The following CASK variants were observed in gnomAD, a reference collection of about 807,000 sequenced individuals.
The protein encoded by CASK is calcium/calmodulin dependent serine protein kinase.
Under a neutral mutation model 82.9 loss-of-function variants are expected in CASK, and 4 were observed. That is an observed-to-expected ratio of 0.05 (90% CI 0.02 to 0.11). The LOEUF (loss-of-function observed/expected upper bound fraction) is 0.11. Among genes scored for constraint, CASK ranks in the 10% least tolerant of loss-of-function variants. The pLI is 1.00. For missense variants in CASK, 358 were observed against 720.9 expected (o/e 0.50, Z 5.76); for synonymous variants, 259 against 253.5 (o/e 1.02, Z -0.20).
At chrX:41,718,916 C>G (rs184449999) in intron 5 of CASK, among the ~76,000 whole-genome samples, 11 of 112,083 alleles carry the variant, frequency 9.8e-5, no homozygotes, top group Admixed American at 6.6e-4. Flanking sequence ...CTGGGCTGAG[C>G]AAAGCAGGTC....
chrX:41,551,105 G>A (rs2147132480), intron 21 of CASK, among the ~76,000 whole-genome samples: 1 of 111,805 alleles, frequency 8.9e-6, no homozygotes, highest in South Asian at 3.7e-4. Context: ...ATAGGATGAA[G>A]TTAGTGGGGG....
At chrX:41,591,305 A>T (rs189179858) in intron 12 of CASK, among the ~76,000 whole-genome samples, 123 of 110,066 alleles carry the variant, frequency 1.1e-3, no homozygotes, top group African/African-American at 3.9e-3. Flanking sequence ...AATAAAAAAT[A>T]GTAAAACAAC....
intron 1 of CASK, among the ~76,000 whole-genome samples, chrX:41,869,503 T>C (rs1447590914): frequency 1.8e-5 from 2 of 110,314 alleles, no homozygotes; most frequent in African/African-American, 6.6e-5. Context: ...ACAAAATACA[T>C]GAGGTATTGA....
intron 1 of CASK, among the ~76,000 whole-genome samples, chrX:41,877,892 T>C (rs1344852624): frequency 9.0e-6 from 1 of 110,901 alleles, no homozygotes; most frequent in Non-Finnish European, 1.9e-5. Flanking sequence ...GTAAATGCAA[T>C]GAATGCCGCT....
At chrX:41,528,261 C>T (rs1360850884) in intron 25 of CASK, among the ~76,000 whole-genome samples, 1 of 112,309 alleles carries the variant, frequency 8.9e-6, no homozygotes, top group Non-Finnish European at 1.9e-5. Context: ...AAATATACAG[C>T]ACTATAAGAA....
At chrX:41,847,467 T>A (rs766558543) in intron 2 of CASK, among the ~76,000 whole-genome samples, 3 of 111,992 alleles carry the variant, frequency 2.7e-5, no homozygotes, top group African/African-American at 6.5e-5. Context: ...TTTTTTATAG[T>A]TTCTATCTCA....
intron 6 of CASK, among the ~76,000 whole-genome samples, chrX:41,666,439 C>A (rs2067119850): frequency 8.9e-6 from 1 of 112,129 alleles, no homozygotes; most frequent in African/African-American, 3.2e-5. Flanking sequence ...CTTCCTCCCT[C>A]TGTCTCTCTC....
chrX:41,856,952 T>A (rs762057971), intron 1 of CASK, among the ~76,000 whole-genome samples: 1 of 110,786 alleles, frequency 9.0e-6, no homozygotes, highest in South Asian at 3.9e-4. Context: ...AGGGGGAATA[T>A]TGGAAGCCAG....
intron 18 of CASK, chrX:41,559,060 T>G (rs2065193141): frequency 8.9e-6 from 1 of 112,219 alleles, no homozygotes; most frequent in South Asian, 3.7e-4. Context: ...TTTATGCCCA[T>G]TTATATTTCC....
At chrX:41,777,004 C>T (rs1437196689) in intron 3 of CASK, among the ~76,000 whole-genome samples, 5 of 111,523 alleles carry the variant, frequency 4.5e-5, no homozygotes, top group Non-Finnish European at 7.5e-5. Context: ...TGAAGAACAA[C>T]GTGGAAGGAT....
chrX:41,841,252 G>A (rs1431103189), intron 2 of CASK, among the ~76,000 whole-genome samples: 3 of 111,443 alleles, frequency 2.7e-5, no homozygotes. Context: ...TAGTAGGTGT[G>A]AAGTGGTATC....
chrX:41,608,730 A>C (rs1223296004), intron 12 of CASK, among the ~76,000 whole-genome samples: 2 of 112,336 alleles, frequency 1.8e-5, no homozygotes, highest in Non-Finnish European at 3.8e-5. Flanking sequence ...TGTAATATTT[A>C]AAGATGGAGT....
At chrX:41,650,447 G>A (rs1372233103) in intron 8 of CASK, among the ~76,000 whole-genome samples, 1 of 98,887 alleles carries the variant, frequency 1.0e-5, no homozygotes, top group Non-Finnish European at 2.0e-5. Context: ...TGGTTTTTGT[G>A]GTTTTTTTTT....
At chrX:41,903,984 T>C (rs990805019) in intron 1 of CASK, among the ~76,000 whole-genome samples, 1 of 111,816 alleles carries the variant, frequency 8.9e-6, no homozygotes, top group African/African-American at 3.2e-5. Context: ...CTACCTAAAT[T>C]CCATTAAAAT....
intron 5 of CASK, among the ~76,000 whole-genome samples, chrX:41,733,418 A>G (rs1283921021): frequency 9.0e-6 from 1 of 111,574 alleles, no homozygotes; most frequent in African/African-American, 3.3e-5. Flanking sequence ...AAATCTTATA[A>G]AAGAAATGCA....
intron 24 of CASK, among the ~76,000 whole-genome samples, chrX:41,534,131 A>G (rs747933298): frequency 1.8e-5 from 2 of 111,350 alleles, no homozygotes; most frequent in East Asian, 5.6e-4. Flanking sequence ...GGTTAAGAAT[A>G]AGATACGGAA....
At chrX:41,861,440 C>CA (rs2071474594) in intron 1 of CASK, among the ~76,000 whole-genome samples, 1 of 110,555 alleles carries the variant, frequency 9.0e-6, no homozygotes. Flanking sequence ...TGGAAAGAAA[C>CA]AAGCAAGAAA....
At chrX:41,911,820 T>G (rs924049654) in intron 1 of CASK, among the ~76,000 whole-genome samples, 2 of 111,878 alleles carry the variant, frequency 1.8e-5, no homozygotes, top group African/African-American at 6.5e-5. Flanking sequence ...GGAAACAAAT[T>G]ATGAAAATCT....
chrX:41,616,606 C>CT (rs377377142), intron 11 of CASK, among the ~76,000 whole-genome samples: 11,334 of 99,058 alleles, frequency 0.11, 693 homozygotes, highest in Middle Eastern at 0.17. Context: ...TAACCAAAAT[C>CT]TTTTTTTTTT....
Sources: gnomAD v4.1 joint callset for allele counts (sites outside exome capture counted in the v4.1 genomes callset) on GRCh38, gnomAD v4.1.1 for gene constraint, MANE v1.5 for transcripts, NCBI Gene and HGNC (gene_info 2026-07-23, HGNC 2026-07-21) for gene names.